UNC45A: variants seen among roughly 807,000 people sequenced by gnomAD.
UNC45A encodes the protein unc-45 myosin chaperone A, also known as protein unc-45 homolog A.
Under a neutral mutation model 103.2 loss-of-function variants are expected in UNC45A, and 78 were observed. The observed-to-expected ratio is 0.76, with a 90% CI of 0.63 to 0.91. UNC45A has a LOEUF of 0.91. Among genes scored for constraint, UNC45A ranks in the 40% least tolerant of loss-of-function variants. The pLI, the probability that UNC45A is intolerant of heterozygous loss-of-function variation, is 0.00. For missense variants in UNC45A, 1,193 were observed against 1,224.8 expected (o/e 0.97, Z 0.39); for synonymous variants, 495 against 504.6 (o/e 0.98, Z 0.25).
chr15:90,932,474 G>GAGAT, upstream of UNC45A: 2 of 1,323,224 alleles, frequency 1.5e-6, no homozygotes, highest in Non-Finnish European at 9.6e-7. Flanking sequence ...TCCTTCCGCC[G>GAGAT]CTGCTGCCGG....
In UNC45A at chr15:90,948,693, C is replaced by T; in HGVS notation, c.1777C>T (p.Leu593=). 6.2e-7 allele frequency: 1 copy of T among 1,614,046 alleles called. No homozygotes were observed. The highest frequency in any genetic ancestry group is 8.5e-7 in the Non-Finnish European group (1 of 1,180,010). Residue 593 remains leucine (L), a synonymous_variant, in exon 13 of 20, where the codon CTG becomes TTG. Transcript: ENST00000418476. ...RSVLFAVASA[L]VNCTNSYDYE... Reference sequence around the variant, plus strand: ...AGTGCTCTTTGCGGTGGCCTCAGCGCTGGTGAACTGCACCAACAGCTATGA... The same window carrying T: ...AGTGCTCTTTGCGGTGGCCTCAGCGTTGGTGAACTGCACCAACAGCTATGA...
At position 90,935,662 on chromosome 15, in the gene UNC45A, A is replaced by G; in HGVS notation, c.170A>G (p.Gln57Arg). ...ALGLDATPQDQAVLHRNRAAC... is the reference protein window; with the variant it reads ...ALGLDATPQDRAVLHRNRAAC... ...GGTCTGGACGCGACGCCCCAGGACC[A>G]GGCCGTTCTGCACCGGAACCGGGCC... is the stretch of plus-strand genomic sequence containing the variant. The change falls in exon 2 of 20, where the codon CAG becomes CGG. Residue 57 changes from glutamine to arginine, a missense_variant. Gln to Arg is a conservative substitution (Grantham distance 43). Transcript: ENST00000418476. The G allele has an allele frequency of 6.3e-7, 1 of 1,599,006 alleles. No homozygotes were observed. The highest frequency in any genetic ancestry group is 8.5e-7 in the Non-Finnish European group (1 of 1,173,940).
chr15:90,939,096 C>G (rs939835234), intron 4 of UNC45A, among the ~76,000 whole-genome samples: 3 of 152,076 alleles, frequency 2.0e-5, no homozygotes, highest in African/African-American at 7.2e-5. Context: ...TCTCCTGCCT[C>G]AGCCTCCCGA....
chr15:90,940,734 G>A (rs771824157), intron 6 of UNC45A: 7 of 242,210 alleles, frequency 2.9e-5, no homozygotes, highest in Non-Finnish European at 4.8e-5. Flanking sequence ...CCAACAAGGC[G>A]AAACCCTGTC....
At chr15:90,934,573 A>T (rs1465614053), upstream of UNC45A, 1 of 398,974 alleles carries the variant, frequency 2.5e-6, no homozygotes, top group Admixed American at 4.4e-5. Flanking sequence ...CCCCAGAGCC[A>T]CTGGAACATC....
At position 90,948,615 on chromosome 15, in the gene UNC45A, C is replaced by T. The variant is rs1166582577; in HGVS notation, c.1738-39C>T. 2.5e-6 allele frequency: 4 copies of T among 1,607,538 alleles called. No individual in the cohort carries two copies. The Admixed American group carries it at 5.0e-5, about 20-fold the overall frequency. On this transcript the variant is annotated intron_variant, in intron 12 of 19. Coordinates refer to ENST00000418476, the MANE Select transcript of UNC45A (RefSeq NM_018671.5). Reference sequence around the variant, plus strand: ...CAGCATTTATCTGAGTACTGCTCTGCCCCGGGATGCCCATGTGAATTCCTC... The same window carrying T: ...CAGCATTTATCTGAGTACTGCTCTGTCCCGGGATGCCCATGTGAATTCCTC...
upstream of UNC45A, chr15:90,935,001 G>T (rs1468589798): frequency 3.8e-6 from 2 of 531,948 alleles, no homozygotes; most frequent in Non-Finnish European, 6.6e-6. Context: ...TGACCCTGAT[G>T]ACCGTAGACC....
chr15:90,950,360 T>C, intron 16 of UNC45A, 93 bp downstream of exon 16: 1 of 1,488,608 alleles, frequency 6.7e-7, no homozygotes, highest in Non-Finnish European at 9.1e-7. Flanking sequence ...AGCAGGAAGT[T>C]TCAGCTTTGT....
rs773948477 is a variant in UNC45A at position 90,936,032 on chromosome 15, G to A, written c.250+50G>A. 1.1e-5 allele frequency: 17 copies of A among 1,610,838 alleles called. No homozygotes were observed. In the African/African-American group the frequency reaches 2.1e-4, roughly 20 times the overall value. On this transcript the variant is annotated intron_variant, in intron 3 of 19. Coordinates refer to ENST00000418476, the MANE Select transcript of UNC45A (RefSeq NM_018671.5). ...TGGAGCTGTAGGGCTTCTGTGGTGG[G>A]CAAGGACTCTGGGACCGCTGCACCG...
rs1276867991 is a variant in UNC45A at position 90,946,624 on chromosome 15, G to T, written c.1210G>T (p.Glu404Ter). Residue 404 changes from glutamate to a stop codon, truncating the protein, a stop_gained, in exon 10 of 20, where the codon GAG (glutamate) becomes TAG (stop). Coordinates refer to ENST00000418476, the MANE Select transcript of UNC45A (RefSeq NM_018671.5). LOFTEE classifies it high-confidence loss of function. ...CCCTGTGCCCCTCAGGAGCTGGTTT[G>T]AGGGCCAAGGGCTGGCCGGGAAGCT... ...LCENYIKSWFEGQGLAGKLRA... is the reference protein window; with the variant it reads ...LCENYIKSWF 1.2e-6 allele frequency: 2 copies of T among 1,603,898 alleles called. No individual in the cohort carries two copies. The highest frequency in any genetic ancestry group is 1.7e-6 in the Non-Finnish European group (2 of 1,174,182).
At chr15:90,947,082 G>C in intron 10 of UNC45A, 168 bp downstream of exon 10, 1 of 739,182 alleles carries the variant, frequency 1.4e-6, no homozygotes, top group African/African-American at 1.8e-5. Flanking sequence ...CCAGCTACTT[G>C]GGAGGCTGAG....
Position 90,946,753 on chromosome 15 carries a change from G to A in UNC45A, c.1339G>A (p.Ala447Thr), listed in dbSNP as rs143151130. ...CATGGAGAGTGTGATTGCTCTGTGT[G>A]CCTCTGAGCAGGAGGAGGAGCAGCT... is the stretch of plus-strand genomic sequence containing the variant. ...GVMESVIALC[A>T]SEQEEEQLVA... The change falls in exon 10 of 20, where the codon GCC (alanine) becomes ACC (threonine). Residue 447 changes from alanine to threonine, a missense_variant. Transcript: ENST00000418476. 47 of 1,614,076 alleles carry A rather than the reference G, an allele frequency of 2.9e-5. No individual in the cohort carries two copies. In the African/African-American group the frequency reaches 5.2e-4, roughly 18 times the overall value.
chr15:90,934,076 A>G (rs552627319), upstream of UNC45A: 44 of 399,150 alleles, frequency 1.1e-4, 1 homozygote, highest in East Asian at 1.6e-3. Context: ...CCTTGCTGAC[A>G]GGCCTATCTG....
chr15:90,952,951 G>C lies in UNC45A; in HGVS notation c.2326G>C (p.Ala776Pro), dbSNP rs1373126564. 5 of 1,613,160 alleles carry C rather than the reference G, an allele frequency of 3.1e-6. No homozygotes were observed. The East Asian group carries it at 1.1e-4, about 36-fold the overall frequency. ...CAGGCAGAAGATCCTGAAGGAGAAG[G>C]CTGTGCCCATGATAGAAGGCTACAT... ...RLRQKILKEK[A>P]VPMIEGYMFE... Residue 776 changes from alanine (A) to proline (P), a missense_variant, in exon 18 of 20, where the codon GCT becomes CCT. Coordinates refer to ENST00000418476, the MANE Select transcript of UNC45A (RefSeq NM_018671.5).
At chr15:90,945,975 T>G (rs1596230277) in intron 9 of UNC45A, among the ~76,000 whole-genome samples, 1 of 151,154 alleles carries the variant, frequency 6.6e-6, no homozygotes, top group African/African-American at 2.4e-5. Flanking sequence ...ATAGGCCAGG[T>G]GTGGTGGCTT....
intron 14 of UNC45A, 79 bp downstream of exon 14, chr15:90,949,522 G>T: frequency 1.2e-6 from 2 of 1,600,708 alleles, no homozygotes; most frequent in South Asian, 1.1e-5. Flanking sequence ...GAGGGTGCAG[G>T]TTCCAGTGCT....
intron 17 of UNC45A, 126 bp from the exon 18 acceptor site, chr15:90,952,803 C>A: frequency 1.3e-6 from 1 of 778,834 alleles, no homozygotes; most frequent in Non-Finnish European, 2.1e-6. Context: ...ATGAGGGACC[C>A]ATCCCATGAC....
intron 8 of UNC45A, among the ~76,000 whole-genome samples, chr15:90,943,993 T>TG (rs2036429528): frequency 6.8e-6 from 1 of 146,778 alleles, no homozygotes; most frequent in African/African-American, 2.5e-5. Context: ...CCTGTTTTTT[T>TG]TTTTTTTTTT....
In UNC45A at chr15:90,949,869, C is replaced by T. The variant is rs111780026; in HGVS notation, c.2073+149C>T. 973 of 872,796 alleles carry T rather than the reference C, an allele frequency of 1.1e-3. 9 individuals carry two copies. In the African/African-American group the frequency reaches 0.014, roughly 13 times the overall value. 54.1% of individuals were successfully genotyped at this position (872,796 alleles called of 1,614,324 possible). On this transcript the variant is annotated intron_variant, in intron 15 of 19. Coordinates refer to ENST00000418476, the MANE Select transcript of UNC45A (RefSeq NM_018671.5). Reference sequence around the variant, plus strand: ...ACACCGTCCCGCTGAGAGAGTGACGCGGAAGCAGGCAAGCTCCTTGGCCCC... The same window carrying T: ...ACACCGTCCCGCTGAGAGAGTGACGTGGAAGCAGGCAAGCTCCTTGGCCCC...
Sources: gnomAD v4.1 joint callset for allele counts (sites outside exome capture counted in the v4.1 genomes callset) on GRCh38, gnomAD v4.1.1 for gene constraint, MANE v1.5 for transcripts, NCBI Gene and HGNC (gene_info 2026-07-23, HGNC 2026-07-21) for gene names.